SPIN1: variants seen among roughly 807,000 people sequenced by gnomAD.
SPIN1 encodes spindlin-1.
SPIN1 carries 3 observed loss-of-function variants against 26.0 expected under a neutral mutation model. The observed-to-expected ratio is 0.12, with a 90% CI of 0.05 to 0.30. The LOEUF is 0.30. SPIN1 is among the 10% of genes least tolerant of loss of function. SPIN1 has a pLI of 1.00. For missense variants in SPIN1, 126 were observed against 333.4 expected, an observed-to-expected ratio of 0.38 and a Z score of 4.84; for synonymous variants, 101 against 116.5, an observed-to-expected ratio of 0.87 and a Z score of 0.86.
At chr9:88,410,524 C>T in intron 1 of SPIN1, 2 of 788,770 alleles carry the variant, frequency 2.5e-6, no homozygotes, top group African/African-American at 1.7e-5. Flanking sequence ...AGCTTTGTTA[C>T]CTAATTAAAA....
chr9:88,402,698 C>G (rs568232354), intron 1 of SPIN1, among the ~76,000 whole-genome samples: 1 of 152,222 alleles, frequency 6.6e-6, no homozygotes, highest in East Asian at 1.9e-4. Context: ...TTTTCTTTAT[C>G]TCTCTGCTCA....
intron 2 of SPIN1, among the ~76,000 whole-genome samples, chr9:88,437,665 T>A (rs1415957409): frequency 6.6e-6 from 1 of 152,228 alleles, no homozygotes; most frequent in Non-Finnish European, 1.5e-5. Flanking sequence ...TGCCAAACTG[T>A]CTTCCAAAGC....
chr9:88,421,986 C>T (rs984903153), intron 1 of SPIN1, among the ~76,000 whole-genome samples: 2 of 151,976 alleles, frequency 1.3e-5, no homozygotes, highest in Non-Finnish European at 2.9e-5. Flanking sequence ...GTGAATAAAG[C>T]AAGGTTGATT....
At chr9:88,463,456 T>C (rs756582800) in intron 4 of SPIN1, among the ~76,000 whole-genome samples, 6 of 152,244 alleles carry the variant, frequency 3.9e-5, no homozygotes, top group Non-Finnish European at 5.9e-5. Flanking sequence ...TTTATACTTT[T>C]AGAATTGTCT....
intron 3 of SPIN1, among the ~76,000 whole-genome samples, chr9:88,459,918 A>G (rs1043643643): frequency 1.3e-5 from 2 of 152,156 alleles, no homozygotes; most frequent in African/African-American, 4.8e-5. Context: ...CCTTAAGTTT[A>G]TTACTCTGTT....
At chr9:88,410,817 A>T in intron 1 of SPIN1, 1 of 938,596 alleles carries the variant, frequency 1.1e-6, no homozygotes, top group Admixed American at 1.7e-5. Flanking sequence ...TTCCTCCACT[A>T]CCAGAGTTGT....
intron 3 of SPIN1, 152 bp from the exon 4 acceptor site, chr9:88,462,344 T>G: frequency 9.4e-7 from 1 of 1,066,412 alleles, no homozygotes. Context: ...GGACAACCAC[T>G]TTGAGTCACC....
intron 1 of SPIN1, among the ~76,000 whole-genome samples, chr9:88,405,050 CA>C (rs1827267369): frequency 6.6e-6 from 1 of 151,900 alleles, no homozygotes; most frequent in African/African-American, 2.4e-5. Flanking sequence ...TCTATGATAA[CA>C]GTACTTTCTT....
rs138097758 is a variant in SPIN1, at chr9:88,447,848, A to C, written c.53-1093A>C. ...CCATTGCCCAAAAATTGCTTCCAGGAATGAGGTCAGGGCCTATGCAGGGTT... is the reference window on the plus strand; with the variant it reads ...CCATTGCCCAAAAATTGCTTCCAGGCATGAGGTCAGGGCCTATGCAGGGTT... On this transcript the variant is annotated intron_variant, in intron 2 of 5. Coordinates refer to ENST00000375859, the MANE Select transcript of SPIN1 (RefSeq NM_006717.3). 3.2e-3 allele frequency among the ~76,000 whole-genome samples: 480 copies of C among 152,268 alleles called. 10 individuals carry two copies. The South Asian group carries it at 0.046, about 14-fold the overall frequency.
At chr9:88,473,814 C>T (rs942299875) in intron 5 of SPIN1, among the ~76,000 whole-genome samples, 5 of 151,968 alleles carry the variant, frequency 3.3e-5, no homozygotes, top group South Asian at 2.1e-4. Flanking sequence ...AATTCACGTG[C>T]GATTGTGTAT....
chr9:88,404,568 T>C (rs1297039923), intron 1 of SPIN1, among the ~76,000 whole-genome samples: 1 of 152,190 alleles, frequency 6.6e-6, no homozygotes, highest in Non-Finnish European at 1.5e-5. Flanking sequence ...GTAAGCCTTT[T>C]CTATTTTAAA....
chr9:88,402,426 T>G (rs1054886126), intron 1 of SPIN1, among the ~76,000 whole-genome samples: 1 of 152,188 alleles, frequency 6.6e-6, no homozygotes, highest in South Asian at 2.1e-4. Flanking sequence ...TAACTGTATG[T>G]TTGTACCCAT....
At chr9:88,400,864 T>A (rs918027370) in intron 1 of SPIN1, among the ~76,000 whole-genome samples, 6 of 145,256 alleles carry the variant, frequency 4.1e-5, no homozygotes, top group Non-Finnish European at 7.5e-5. Flanking sequence ...AAAAAAAAAA[T>A]TAGCCGGGTG....
chr9:88,435,805 T>C (rs1037993408), intron 2 of SPIN1, among the ~76,000 whole-genome samples: 2 of 152,214 alleles, frequency 1.3e-5, no homozygotes, highest in African/African-American at 2.4e-5. Context: ...CACTCCCACC[T>C]GTATGGGTCT....
At chr9:88,468,905 G>A (rs975181560) in intron 5 of SPIN1, among the ~76,000 whole-genome samples, 1 of 152,164 alleles carries the variant, frequency 6.6e-6, no homozygotes, top group Non-Finnish European at 1.5e-5. Context: ...ATAGGGATCA[G>A]TAAAATACGT....
chr9:88,457,973 T>TAAA, intron 3 of SPIN1: 1 of 985,400 alleles, frequency 1.0e-6, no homozygotes. Flanking sequence ...GGTAAGGTTT[T>TAAA]AAGTTTTTCT....
intron 1 of SPIN1, among the ~76,000 whole-genome samples, chr9:88,422,621 ATT>A (rs1404297840): frequency 2.6e-5 from 4 of 152,034 alleles, no homozygotes; most frequent in African/African-American, 9.7e-5. Context: ...TGGTTGAACT[ATT>A]TATTACTTGC....
chr9:88,418,588 A>G (rs1197357239), intron 1 of SPIN1, among the ~76,000 whole-genome samples: 3 of 152,164 alleles, frequency 2.0e-5, no homozygotes, highest in Non-Finnish European at 4.4e-5. Flanking sequence ...CTTTTTATAA[A>G]TAGCACTGTT....
intron 1 of SPIN1, 140 bp downstream of exon 1, chr9:88,388,678 C>T (rs1826843260): frequency 6.7e-6 from 1 of 148,152 alleles, no homozygotes; most frequent in Admixed American, 6.7e-5. Flanking sequence ...GGGCGGCGCC[C>T]GCATAGCGCC....
Sources: gnomAD v4.1 joint callset for allele counts (sites outside exome capture counted in the v4.1 genomes callset) on GRCh38, gnomAD v4.1.1 for gene constraint, MANE v1.5 for transcripts, NCBI Gene and HGNC (gene_info 2026-07-23, HGNC 2026-07-21) for gene names.